Variants in PCBP2 observed in about 807,000 individuals in gnomAD.
The protein encoded by PCBP2 is poly(rC)-binding protein 2.
PCBP2 carries 4 observed loss-of-function variants against 50.1 expected under a neutral mutation model. The observed-to-expected ratio is 0.08, with a 90% confidence interval of 0.04 to 0.18. The LOEUF (loss-of-function observed/expected upper bound fraction) is 0.18, where lower values mean the gene tolerates loss of function less well. Ranked by LOEUF, PCBP2 falls within the 10% of genes least tolerant of loss-of-function variation. The probability of loss-of-function intolerance (pLI) is 1.00; values close to 1 mark genes in which losing one functional copy is unlikely to be tolerated. For missense variants in PCBP2, 161 were observed against 474.3 expected, an observed-to-expected ratio of 0.34 and a Z score of 6.14; for synonymous variants, 179 against 168.0, an observed-to-expected ratio of 1.07 and a Z score of -0.51.
intron 14 of PCBP2, among the ~76,000 whole-genome samples, chr12:53,477,125 C>G (rs1356329569): frequency 6.6e-6 from 1 of 152,138 alleles, no homozygotes; most frequent in Non-Finnish European, 1.5e-5. Context: ...TCACCTCCCC[C>G]ACCCCAGCAA....
chr12:53,455,846 CTTT>C, intron 4 of PCBP2, 36 bp from the exon 5 acceptor site: 1 of 1,371,946 alleles, frequency 7.3e-7, no homozygotes, highest in South Asian at 1.2e-5. Context: ...CTCAGATCTT[CTTT>C]GTTTTAACTT....
chr12:53,473,487 AG>A (rs1434511665), intron 14 of PCBP2, among the ~76,000 whole-genome samples: 16 of 152,204 alleles, frequency 1.1e-4, no homozygotes, highest in Non-Finnish European at 1.9e-4. Context: ...TTCTTTCGAT[AG>A]GCTTGCCCTT....
intron 6 of PCBP2, 189 bp from the exon 7 acceptor site, chr12:53,460,826 A>C (rs1941403008): frequency 1.9e-6 from 1 of 532,332 alleles, no homozygotes; most frequent in East Asian, 3.6e-5. Context: ...TCAGTGGCTA[A>C]TTTATTTTTA....
In PCBP2 at chr12:53,480,171, TCTGA is replaced by T. The variant is rs1438508898; in HGVS notation, c.*733_*736del. On this transcript the variant is annotated 3_prime_UTR_variant, in exon 15 of 15. Coordinates refer to ENST00000546463, the MANE Select transcript of PCBP2 (RefSeq NM_031989.5). ...TACACATTAAGCAGTTGATCATATG[TCTGA>T]CTGGGTTCCAGTTTCTTGGGAATGT... is the stretch of plus-strand genomic sequence containing the variant. The T allele has an allele frequency of 6.6e-6, 1 of 152,226 alleles. No homozygotes were observed. The highest frequency in any genetic ancestry group is 6.5e-5 in the Admixed American group (1 of 15,286). The allele number at this position is 152,226 out of a possible 1,614,324, so 9.4% of individuals were successfully genotyped here. A position where few individuals can be genotyped will look rare whatever the true frequency, so the allele number is the denominator to read the frequency against.
intron 9 of PCBP2, 190 bp downstream of exon 9, chr12:53,465,042 CTTT>C (rs747714871): frequency 7.2e-5 from 28 of 391,462 alleles, no homozygotes; most frequent in Admixed American, 1.0e-4. Context: ...GTAACACCAA[CTTT>C]TTTTTTTTTT....
intron 7 of PCBP2, among the ~76,000 whole-genome samples, chr12:53,461,813 G>A (rs1336640867): frequency 1.3e-5 from 2 of 152,060 alleles, no homozygotes; most frequent in Non-Finnish European, 1.5e-5. Context: ...AGGCTTAAGC[G>A]ATCCTCTCAC....
intron 14 of PCBP2, chr12:53,476,027 T>C (rs1942557558): frequency 6.6e-6 from 1 of 152,208 alleles, no homozygotes; most frequent in Non-Finnish European, 1.5e-5. Context: ...CAAAGTGGGA[T>C]AAGTCTAATA....
chr12:53,454,006 A>G (rs778030730), intron 1 of PCBP2, among the ~76,000 whole-genome samples: 4 of 152,350 alleles, frequency 2.6e-5, no homozygotes, highest in Non-Finnish European at 5.9e-5. Flanking sequence ...TGGTAAACAC[A>G]AAAGCAAGGA....
intron 10 of PCBP2, among the ~76,000 whole-genome samples, 171 bp from the exon 11 acceptor site, chr12:53,467,050 A>G (rs1941874856): frequency 6.6e-6 from 1 of 152,008 alleles, no homozygotes; most frequent in Non-Finnish European, 1.5e-5. Context: ...CTTACCCTTC[A>G]TATTCTGCCA....
At chr12:53,469,814 T>G (rs1190697827) in intron 13 of PCBP2, among the ~76,000 whole-genome samples, 2 of 141,682 alleles carry the variant, frequency 1.4e-5, no homozygotes, top group African/African-American at 2.6e-5. Context: ...CAGGCTTGGC[T>G]CACTGTGACC....
chr12:53,470,207 G>A (rs950365472), intron 13 of PCBP2, among the ~76,000 whole-genome samples: 2 of 151,636 alleles, frequency 1.3e-5, no homozygotes, highest in Non-Finnish European at 2.9e-5. Flanking sequence ...GTGAAACCCT[G>A]TCTCTACTAA....
intron 14 of PCBP2, among the ~76,000 whole-genome samples, chr12:53,472,155 T>C (rs766465672): frequency 7.2e-5 from 11 of 152,230 alleles, no homozygotes; most frequent in Non-Finnish European, 1.5e-5. Context: ...GACTACTATT[T>C]CTTTCACTGA....
chr12:53,461,778 C>T lies in PCBP2; in HGVS notation c.504+635C>T, dbSNP rs913261236. The stretch of plus-strand genomic sequence containing the variant: ...AGACTGGAGTGCAGTGGTGCAGTAT[C>T]GGCTCACTGCAACCTCTGCCTATCA... On this transcript the variant is annotated intron_variant, in intron 7 of 14. Transcript: ENST00000546463. 6.6e-5 allele frequency among the ~76,000 whole-genome samples: 10 copies of T among 152,022 alleles called. 1 individual carries two copies. The highest frequency in any genetic ancestry group is 1.0e-4 in the Non-Finnish European group (7 of 67,998).
chr12:53,468,017 A>G (rs1941936701), intron 12 of PCBP2, 174 bp downstream of exon 12: 7 of 603,982 alleles, frequency 1.2e-5, no homozygotes, highest in Non-Finnish European at 2.0e-5. Flanking sequence ...GGATCTGGCC[A>G]ACCCCCTTCT....
At chr12:53,458,482 GT>G (rs1941209954) in intron 5 of PCBP2, among the ~76,000 whole-genome samples, 1 of 148,112 alleles carries the variant, frequency 6.8e-6, no homozygotes, top group South Asian at 2.2e-4. Flanking sequence ...TAGTTTTTGT[GT>G]TTTTGTAGAG....
intron 5 of PCBP2, 181 bp downstream of exon 5, chr12:53,456,182 T>A: frequency 1.7e-6 from 1 of 600,980 alleles, no homozygotes; most frequent in Non-Finnish European, 3.0e-6. Flanking sequence ...AAGAGTCACT[T>A]GAGGCTGGGC....
At chr12:53,457,254 T>C (rs931293971) in intron 5 of PCBP2, among the ~76,000 whole-genome samples, 2 of 152,210 alleles carry the variant, frequency 1.3e-5, no homozygotes, top group Admixed American at 6.5e-5. Context: ...GAGCTTGTTA[T>C]GTTTCCCAGG....
intron 13 of PCBP2, among the ~76,000 whole-genome samples, chr12:53,470,982 T>C (rs752971815): frequency 1.3e-5 from 2 of 152,082 alleles, no homozygotes; most frequent in Non-Finnish European, 2.9e-5. Context: ...ACAGAAATAA[T>C]GAAGAGCTAA....
chr12:53,459,306 C>T lies in PCBP2; in HGVS notation c.278C>T (p.Ala93Val). The change falls in exon 6 of 15, where the codon GCC becomes GTC. Residue 93 changes from alanine to valine, a missense_variant. This residue lies in a region of PCBP2 where 24 missense variants were observed against 37.1 expected (regional missense o/e 0.65). Transcript: ENST00000546463. ...AGCTCTATGACCAATAGCACAGCTG[C>T]CAGTAGACCCCCGGTCACCCTGAGG... ...ISSSMTNSTA[A>V]SRPPVTLRLV... is the part of the protein sequence containing the mutation. The T allele has an allele frequency of 6.2e-7, 1 of 1,612,910 alleles. No individual in the cohort carries two copies. Among genetic ancestry groups the T allele is most frequent in the Non-Finnish European group, 8.5e-7 (1 of 1,179,306 alleles).
Sources: allele counts gnomAD v4.1 joint callset (sites outside exome capture counted in the v4.1 genomes callset), GRCh38; gene constraint gnomAD v4.1.1; regional missense constraint gnomAD v4.1.1; transcripts MANE v1.5; gene names NCBI Gene and HGNC (gene_info 2026-07-23, HGNC 2026-07-21).